BCAS3: variants seen among roughly 807,000 people sequenced by gnomAD.
The protein encoded by BCAS3 is BCAS4/BCAS3 fusion.
BCAS3 carries 53 observed loss-of-function variants against 116.1 expected under a neutral mutation model. The observed-to-expected ratio is 0.46, with a 90% CI of 0.37 to 0.57. The LOEUF (loss-of-function observed/expected upper bound fraction) is 0.57, where lower values mean the gene tolerates loss of function less well. Ranked by LOEUF, BCAS3 falls within the 20% of genes least tolerant of loss-of-function variation. BCAS3 has a pLI of 0.00. For synonymous variants in BCAS3, 391 were observed against 408.2 expected, an observed-to-expected ratio of 0.96 and a Z score of 0.51; for missense variants, 917 against 1,165.4, an observed-to-expected ratio of 0.79 and a Z score of 3.10.
chr17:61,078,284 C>G, intron 20 of BCAS3, 49 bp from the exon 21 acceptor site: 1 of 1,470,052 alleles, frequency 6.8e-7, no homozygotes, highest in Non-Finnish European at 9.3e-7. Flanking sequence ...TGAAGTCTCT[C>G]AAATCAGGAT....
intron 10 of BCAS3, among the ~76,000 whole-genome samples, chr17:60,894,801 T>C (rs967806469): frequency 2.3e-4 from 35 of 152,220 alleles, no homozygotes; most frequent in Non-Finnish European, 5.1e-4. Flanking sequence ...ATTAAATGCT[T>C]TTTCTTGTAT....
intron 6 of BCAS3, among the ~76,000 whole-genome samples, chr17:60,785,931 A>T (rs1446236889): frequency 6.6e-6 from 1 of 152,336 alleles, no homozygotes; most frequent in Middle Eastern, 3.4e-3. Flanking sequence ...AACCATTTAC[A>T]TAGCATTCAC....
rs35597487 is a variant in BCAS3, at chr17:61,214,368, A to AAAATAAAT, written c.2425+129826_2425+129833dup. ...GGCCACAGAGCAAGACCCTATCTCA[A>AAAATAAAT]AAATAAATAAATAAATAAATAAATA... On this transcript the variant is annotated intron_variant, in intron 22 of 23. Transcript: ENST00000407086. This position sits in a 1 kb window ranked among gnomAD's most constrained non-coding sequence, Gnocchi z 4.4. Among the ~76,000 whole-genome samples the AAAATAAAT allele has an allele frequency of 1.3e-3, 201 of 150,178 alleles. 1 individual carries two copies. The highest frequency in any genetic ancestry group is 4.3e-3 in the African/African-American group (174 of 40,090).
rs796702028 is a variant in BCAS3 at position 61,391,558 on chromosome 17, C to T, written c.2594-419C>T. The T allele has an allele frequency of 5.8e-5, 10 of 171,130 alleles. No individual in the cohort carries two copies. The highest frequency in any genetic ancestry group is 1.9e-4 in the African/African-American group (8 of 41,950). The allele number at this position is 171,130 out of a possible 1,614,324, so 10.6% of individuals were successfully genotyped here. ...CAGGCAGGGATGCTGCAAGCCCTCC[C>T]GTGTCCTAGCTTCTCCCCGCCTGCC... On this transcript the variant is annotated intron_variant, in intron 23 of 23. Transcript: ENST00000407086. This position sits in a 1 kb window ranked among gnomAD's most constrained non-coding sequence, Gnocchi z 7.7.
chr17:61,237,904 G>A (rs1444203516), intron 22 of BCAS3, among the ~76,000 whole-genome samples: 1 of 152,092 alleles, frequency 6.6e-6, no homozygotes, highest in Non-Finnish European at 1.5e-5. Context: ...TGACTCTAAT[G>A]GATCACCCAT....
In BCAS3 at chr17:60,967,750, C is replaced by T. The variant is rs114229966; in HGVS notation, c.1221+20398C>T. 6.6e-6 allele frequency among the ~76,000 whole-genome samples: 1 copy of T among 152,034 alleles called. No individual in the cohort carries two copies. Among genetic ancestry groups the T allele is most frequent in the Non-Finnish European group, 1.5e-5 (1 of 68,018 alleles). On this transcript the variant is annotated intron_variant, in intron 14 of 23. Transcript: ENST00000407086. The surrounding 1 kb of genome is among the most constrained non-coding windows in gnomAD (Gnocchi z 4.7). ...TCTTTGTCCTTCTCCCACCACCCCC[C>T]ACACCCCCAATTGTATTTTCAAATA...
rs991980621 is a variant in BCAS3 at position 61,034,329 on chromosome 17, G to C, written c.1638-337G>C. Among the ~76,000 whole-genome samples the C allele has an allele frequency of 2.6e-5, 4 of 152,188 alleles. No individual in the cohort carries two copies. Among genetic ancestry groups the C allele is most frequent in the African/African-American group, 4.8e-5 (2 of 41,452 alleles). ...ATAAACCATTTTATTATTGTGAGATGTTCATGCTGGTACTATTGCTTCACT... is the reference window on the plus strand; with the variant it reads ...ATAAACCATTTTATTATTGTGAGATCTTCATGCTGGTACTATTGCTTCACT... On this transcript the variant is annotated intron_variant, in intron 16 of 23. Coordinates refer to ENST00000407086, the MANE Select transcript of BCAS3 (RefSeq NM_017679.5). The surrounding 1 kb of genome is among the most constrained non-coding windows in gnomAD (Gnocchi z 5.0).
chr17:61,388,500 C>T lies in BCAS3; in HGVS notation c.2594-3477C>T, dbSNP rs2059964908. ...TCCTTGACTGCAAACTCCCCCTCCT[C>T]ACGGTGTGCCCCTGCGCCTCCTGAC... is the stretch of plus-strand genomic sequence containing the variant. On this transcript the variant is annotated intron_variant, in intron 23 of 23. Transcript: ENST00000407086. This position sits in a 1 kb window ranked among gnomAD's most constrained non-coding sequence, Gnocchi z 6.5. 1 of 901,836 alleles carries T rather than the reference C, an allele frequency of 1.1e-6. No homozygotes were observed. The highest frequency in any genetic ancestry group is 1.7e-6 in the Non-Finnish European group (1 of 600,902). The allele number at this position is 901,836 out of a possible 1,614,324, so 55.9% of individuals were successfully genotyped here. A position where few individuals can be genotyped will look rare whatever the true frequency, so the allele number is the denominator to read the frequency against.
chr17:61,119,452 T>C (rs912004108), intron 22 of BCAS3, among the ~76,000 whole-genome samples: 7 of 152,312 alleles, frequency 4.6e-5, no homozygotes, highest in Middle Eastern at 3.4e-3. Context: ...CATTAGATGC[T>C]GAAAGGGCAT....
At chr17:60,801,891 A>G (rs567788517) in intron 6 of BCAS3, among the ~76,000 whole-genome samples, 3 of 152,096 alleles carry the variant, frequency 2.0e-5, no homozygotes, top group South Asian at 2.1e-4. Context: ...TCTGTCATCT[A>G]TGTATTGACT....
chr17:60,822,309 G>A (rs535345860), intron 7 of BCAS3, among the ~76,000 whole-genome samples: 13 of 152,282 alleles, frequency 8.5e-5, no homozygotes, highest in African/African-American at 1.7e-4. Context: ...ATGCAGTGGT[G>A]TGTCATTATG....
chr17:61,049,815 C>T (rs1456095376), intron 19 of BCAS3, among the ~76,000 whole-genome samples: 1 of 150,002 alleles, frequency 6.7e-6, no homozygotes, highest in East Asian at 1.9e-4. Context: ...TCACTGCAGC[C>T]TCTGTCTCCT....
chr17:61,237,552 C>T (rs2083162631), intron 22 of BCAS3, among the ~76,000 whole-genome samples: 1 of 152,194 alleles, frequency 6.6e-6, no homozygotes, highest in South Asian at 2.1e-4. Flanking sequence ...TGGGTCCTTG[C>T]CACCTTTAAG....
At chr17:61,194,141 A>G (rs2080329524) in intron 22 of BCAS3, among the ~76,000 whole-genome samples, 1 of 152,136 alleles carries the variant, frequency 6.6e-6, no homozygotes, top group Non-Finnish European at 1.5e-5. Context: ...AAGGAAAGGC[A>G]GGGAGGGGAG....
Position 61,034,737 on chromosome 17 carries a change from T to C in BCAS3, c.1709T>C (p.Phe570Ser). The change falls in exon 17 of 24, where the codon TTC (phenylalanine) becomes TCC (serine). Residue 570 changes from phenylalanine to serine, a missense_variant. Coordinates refer to ENST00000407086, the MANE Select transcript of BCAS3 (RefSeq NM_017679.5). The surrounding 1 kb of genome is among the most constrained non-coding windows in gnomAD (Gnocchi z 5.0). The part of the protein sequence containing the change: ...MGGEFCVAAI[F>S]GTSRSWFANN... Reference sequence around the variant, plus strand: ...GGAGAATTTTGTGTGGCTGCTATCTTCGGAACATCCAGGTCATGGTTTGCA... The same window carrying C: ...GGAGAATTTTGTGTGGCTGCTATCTCCGGAACATCCAGGTCATGGTTTGCA... The C allele has an allele frequency of 6.2e-7, 1 of 1,613,278 alleles. No individual in the cohort carries two copies. The highest frequency in any genetic ancestry group is 8.5e-7 in the Non-Finnish European group (1 of 1,179,400).
chr17:60,694,851 T>C (rs2143890960), intron 4 of BCAS3, among the ~76,000 whole-genome samples: 1 of 152,220 alleles, frequency 6.6e-6, no homozygotes, highest in South Asian at 2.1e-4. Flanking sequence ...TTCTTCATTG[T>C]GCAAAACTGA....
chr17:61,310,773 C>T (rs1240495726), intron 22 of BCAS3, among the ~76,000 whole-genome samples: 1 of 152,078 alleles, frequency 6.6e-6, no homozygotes, highest in Non-Finnish European at 1.5e-5. Flanking sequence ...GATGTGTAAA[C>T]AGATCATCAT....
At chr17:61,091,541 C>T (rs573203618) in intron 22 of BCAS3, among the ~76,000 whole-genome samples, 19 of 152,254 alleles carry the variant, frequency 1.2e-4, no homozygotes, top group African/African-American at 3.4e-4. Flanking sequence ...TTATAGGTGC[C>T]ATCTATAAAC....
rs996541791 is a variant in BCAS3 at position 61,203,140 on chromosome 17, A to C, written c.2425+118576A>C. Among the ~76,000 whole-genome samples the C allele has an allele frequency of 1.6e-4, 25 of 152,062 alleles. No individual in the cohort carries two copies. Among genetic ancestry groups the C allele is most frequent in the African/African-American group, 5.6e-4 (23 of 41,410 alleles). On this transcript the variant is annotated intron_variant, in intron 22 of 23. Coordinates refer to ENST00000407086, the MANE Select transcript of BCAS3 (RefSeq NM_017679.5). The surrounding 1 kb of genome is among the most constrained non-coding windows in gnomAD (Gnocchi z 5.7). ...TAAAAGGGAATAGTTTTTTCCCCTCACAATTTCAAGACTTCTCTTTTATTC... is the reference window on the plus strand; with the variant it reads ...TAAAAGGGAATAGTTTTTTCCCCTCCCAATTTCAAGACTTCTCTTTTATTC...
Sources: allele counts gnomAD v4.1 joint callset (sites outside exome capture counted in the v4.1 genomes callset), GRCh38; gene constraint gnomAD v4.1.1; non-coding constraint Gnocchi (gnomAD v3.1); transcripts MANE v1.5; gene names NCBI Gene and HGNC (gene_info 2026-07-23, HGNC 2026-07-21).